LUZP2: variants seen among roughly 807,000 people sequenced by gnomAD.
The protein encoded by LUZP2 is leucine zipper protein 2.
LUZP2 carries 52 observed loss-of-function variants against 51.6 expected under a neutral mutation model. The observed-to-expected ratio is 1.01, with a 90% CI of 0.81 to 1.27. LUZP2 has a LOEUF of 1.27. LUZP2 is among the 50% of genes most tolerant of loss of function. The probability of loss-of-function intolerance (pLI) is 0.00; values close to 1 mark genes in which losing one functional copy is unlikely to be tolerated. For missense variants in LUZP2, 436 were observed against 395.4 expected (o/e 1.10, Z -0.87); for synonymous variants, 154 against 137.3 (o/e 1.12, Z -0.85).
intron 3 of LUZP2, among the ~76,000 whole-genome samples, chr11:24,733,736 A>ATTT (rs74343288): frequency 6.8e-6 from 1 of 147,490 alleles, no homozygotes; most frequent in Non-Finnish European, 1.5e-5. Context: ...AATAAACTGT[A>ATTT]TTTTTTAAAA....
chr11:24,778,289 G>A (rs556528418), intron 5 of LUZP2, among the ~76,000 whole-genome samples: 2 of 152,070 alleles, frequency 1.3e-5, no homozygotes, highest in Non-Finnish European at 2.9e-5. Context: ...CGTGATGCAT[G>A]CCTGTAGTCT....
At chr11:25,068,692 T>C (rs1481480868) in intron 10 of LUZP2, among the ~76,000 whole-genome samples, 2 of 151,926 alleles carry the variant, frequency 1.3e-5, no homozygotes, top group Non-Finnish European at 2.9e-5. Flanking sequence ...CTTAGAAACA[T>C]AGACATGTTA....
chr11:25,011,617 G>C (rs1238918435), intron 9 of LUZP2, among the ~76,000 whole-genome samples: 2 of 152,018 alleles, frequency 1.3e-5, no homozygotes, highest in African/African-American at 4.8e-5. Flanking sequence ...ATGAAATTCT[G>C]AGTGCCTTTT....
chr11:24,706,392 T>C (rs993741422), intron 1 of LUZP2, among the ~76,000 whole-genome samples: 1 of 152,180 alleles, frequency 6.6e-6, no homozygotes. Context: ...TTTTAGTCTC[T>C]ATCTCACCCC....
At chr11:24,832,670 T>A (rs1331738807) in intron 5 of LUZP2, among the ~76,000 whole-genome samples, 1 of 151,692 alleles carries the variant, frequency 6.6e-6, no homozygotes, top group Non-Finnish European at 1.5e-5. Flanking sequence ...TACATATATA[T>A]AAATGTAGTT....
intron 5 of LUZP2, among the ~76,000 whole-genome samples, chr11:24,792,781 G>A (rs1163043287): frequency 1.3e-5 from 2 of 152,090 alleles, no homozygotes. Context: ...TACTGTTGTT[G>A]TTCCTACTCA....
intron 5 of LUZP2, among the ~76,000 whole-genome samples, chr11:24,899,826 TA>T (rs1275695795): frequency 1.3e-5 from 2 of 152,138 alleles, no homozygotes; most frequent in African/African-American, 4.8e-5. Flanking sequence ...CTTAAAGGAA[TA>T]GACAAATCCA....
chr11:25,001,435 C>A (rs1389242700), intron 9 of LUZP2, among the ~76,000 whole-genome samples: 2 of 152,046 alleles, frequency 1.3e-5, no homozygotes, highest in African/African-American at 4.8e-5. Flanking sequence ...ATTTGTCAGA[C>A]CTTTGTATGG....
chr11:24,875,554 A>T (rs1009515021), intron 5 of LUZP2, among the ~76,000 whole-genome samples: 1 of 146,564 alleles, frequency 6.8e-6, no homozygotes, highest in African/African-American at 2.5e-5. Flanking sequence ...ATAGTGCCGC[A>T]ATAAACATAC....
intron 5 of LUZP2, among the ~76,000 whole-genome samples, chr11:24,858,806 G>T (rs1166450294): frequency 6.6e-6 from 1 of 152,104 alleles, no homozygotes; most frequent in Non-Finnish European, 1.5e-5. Flanking sequence ...ACAAATACAA[G>T]AAATAAACAA....
At chr11:24,618,720 T>C (rs987527991) in intron 1 of LUZP2, among the ~76,000 whole-genome samples, 11 of 152,300 alleles carry the variant, frequency 7.2e-5, no homozygotes, top group African/African-American at 2.6e-4. Context: ...CTTTCCTCCC[T>C]TCACCTTTCA....
chr11:24,701,039 A>T (rs910429177), intron 1 of LUZP2, among the ~76,000 whole-genome samples: 4 of 152,156 alleles, frequency 2.6e-5, no homozygotes, highest in African/African-American at 9.7e-5. Context: ...TAAAAGGAAA[A>T]TGTGGTAGTA....
intron 5 of LUZP2, among the ~76,000 whole-genome samples, chr11:24,841,535 C>T (rs1564973035): frequency 6.6e-6 from 1 of 151,912 alleles, no homozygotes; most frequent in Non-Finnish European, 1.5e-5. Context: ...TGCTGAGTGA[C>T]AAATTATATA....
chr11:24,702,776 A>G (rs1295745035), intron 1 of LUZP2, among the ~76,000 whole-genome samples: 1 of 151,722 alleles, frequency 6.6e-6, no homozygotes, highest in Non-Finnish European at 1.5e-5. Context: ...TGGATCTTCT[A>G]TGTGAGTGTT....
chr11:25,029,739 A>AC (rs1246151871), intron 9 of LUZP2, among the ~76,000 whole-genome samples: 1 of 150,558 alleles, frequency 6.6e-6, no homozygotes, highest in African/African-American at 2.4e-5. Context: ...TCTGTCTCAA[A>AC]AAAAAAAAAA....
chr11:24,883,464 T>C (rs953152458), intron 5 of LUZP2, among the ~76,000 whole-genome samples: 1 of 152,048 alleles, frequency 6.6e-6, no homozygotes, highest in Non-Finnish European at 1.5e-5. Flanking sequence ...TTTCTAATGA[T>C]GCTGGGATAA....
intron 5 of LUZP2, among the ~76,000 whole-genome samples, chr11:24,880,844 T>A (rs1288536554): frequency 6.6e-6 from 1 of 152,162 alleles, no homozygotes; most frequent in Non-Finnish European, 1.5e-5. Context: ...GCTTCAAATT[T>A]ACTTATTTAT....
chr11:25,040,110 A>G (rs541142152), intron 9 of LUZP2, among the ~76,000 whole-genome samples: 196 of 152,238 alleles, frequency 1.3e-3, no homozygotes, highest in African/African-American at 4.6e-3. Flanking sequence ...AAATTAGTAA[A>G]TCATAGAAGA....
At chr11:24,570,306 G>A (rs1417437599) in intron 1 of LUZP2, among the ~76,000 whole-genome samples, 1 of 152,126 alleles carries the variant, frequency 6.6e-6, no homozygotes, top group Non-Finnish European at 1.5e-5. Context: ...TTTCTTAAAA[G>A]TCATCTTTTA....
Sources: allele counts gnomAD v4.1 joint callset (sites outside exome capture counted in the v4.1 genomes callset), GRCh38; gene constraint gnomAD v4.1.1; transcripts MANE v1.5; gene names NCBI Gene and HGNC (gene_info 2026-07-23, HGNC 2026-07-21).